TAS2R1: variants seen among roughly 807,000 people sequenced by gnomAD.
TAS2R1 encodes the protein taste receptor type 2 member 1.
For synonymous variants in TAS2R1, 141 were observed against 134.2 expected, an observed-to-expected ratio of 1.05 and a Z score of -0.35; for missense variants, 370 against 353.4, an observed-to-expected ratio of 1.05 and a Z score of -0.38.
At chr5:9,888,111 C>G in the TAS2R1 span, among the ~76,000 whole-genome samples, 1 of 152,204 alleles carries the variant, frequency 6.6e-6, no homozygotes, top group South Asian at 2.1e-4. Context: ...CTGGTTGCCT[C>G]TTTTACTCTG....
the TAS2R1 span, among the ~76,000 whole-genome samples, chr5:9,782,045 T>C: frequency 6.6e-6 from 1 of 152,240 alleles, no homozygotes; most frequent in South Asian, 2.1e-4. Flanking sequence ...CCTCAATAAA[T>C]ATTTGTGGAA....
chr5:9,899,686 T>G, the TAS2R1 span, among the ~76,000 whole-genome samples: 23 of 151,598 alleles, frequency 1.5e-4, no homozygotes, highest in Non-Finnish European at 3.4e-4. Flanking sequence ...AAGCAGCCTC[T>G]CACAAGAAGA....
the TAS2R1 span, among the ~76,000 whole-genome samples, chr5:9,752,631 G>T: frequency 5.8e-4 from 88 of 152,200 alleles, no homozygotes; most frequent in African/African-American, 1.9e-3. Flanking sequence ...CATGTGCCAT[G>T]TTAGTGTGCT....
At chr5:9,781,452 T>C in the TAS2R1 span, among the ~76,000 whole-genome samples, 1 of 152,128 alleles carries the variant, frequency 6.6e-6, no homozygotes, top group Non-Finnish European at 1.5e-5. Context: ...GGGGTCTGAT[T>C]GCAACACAGC....
the TAS2R1 span, among the ~76,000 whole-genome samples, chr5:9,811,746 C>T: frequency 1.3e-5 from 2 of 152,150 alleles, no homozygotes; most frequent in African/African-American, 4.8e-5. Context: ...TTTAGACATC[C>T]AGCTGCTTAC....
chr5:9,801,660 G>A, the TAS2R1 span, among the ~76,000 whole-genome samples: 1 of 152,182 alleles, frequency 6.6e-6, no homozygotes, highest in Non-Finnish European at 1.5e-5. Context: ...CTGGCCGCCT[G>A]GAAATAGACT....
chr5:9,830,603 G>GCA, the TAS2R1 span, among the ~76,000 whole-genome samples: 43 of 59,998 alleles, frequency 7.2e-4, no homozygotes, highest in Admixed American at 1.3e-3. Flanking sequence ...ACACGTGCGC[G>GCA]CGCACACACA....
intron 1 of TAS2R1, among the ~76,000 whole-genome samples, chr5:9,668,415 T>C (rs576031779): frequency 1.2e-3 from 180 of 152,200 alleles, no homozygotes; most frequent in African/African-American, 4.2e-3. Flanking sequence ...AGAGAACCCC[T>C]GCAAGATACC....
chr5:9,784,549 A>G, the TAS2R1 span, among the ~76,000 whole-genome samples: 1 of 152,232 alleles, frequency 6.6e-6, no homozygotes, highest in African/African-American at 2.4e-5. Context: ...AATCATGAAA[A>G]GGTCTCATCG....
chr5:9,646,784 C>T (rs1048355786), intron 2 of TAS2R1, among the ~76,000 whole-genome samples: 11 of 152,070 alleles, frequency 7.2e-5, no homozygotes, highest in Non-Finnish European at 1.5e-4. Context: ...TTTGTGGTTA[C>T]TTAGTTCATG....
At chr5:9,728,728 G>A in the TAS2R1 span, among the ~76,000 whole-genome samples, 186 of 152,302 alleles carry the variant, frequency 1.2e-3, no homozygotes, top group African/African-American at 4.2e-3. Flanking sequence ...CAAGTGGCAC[G>A]TCTGCAAGTA....
At chr5:9,722,990 G>C in the TAS2R1 span, among the ~76,000 whole-genome samples, 2 of 152,234 alleles carry the variant, frequency 1.3e-5, no homozygotes, top group African/African-American at 4.8e-5. Flanking sequence ...CTCAAAGATT[G>C]TGCCTAATTC....
the TAS2R1 span, among the ~76,000 whole-genome samples, chr5:9,754,194 A>G: frequency 8.5e-5 from 13 of 152,230 alleles, no homozygotes; most frequent in Non-Finnish European, 1.9e-4. Context: ...AAGGCCTTTG[A>G]CAAAATTCAA....
At chr5:9,680,589 C>T (rs1197625644) in intron 1 of TAS2R1, among the ~76,000 whole-genome samples, 3 of 152,100 alleles carry the variant, frequency 2.0e-5, no homozygotes, top group African/African-American at 7.2e-5. Flanking sequence ...TTCAAATAAT[C>T]CATAGCCCTA....
the TAS2R1 span, among the ~76,000 whole-genome samples, chr5:9,876,764 A>C: frequency 1.3e-5 from 2 of 152,344 alleles, no homozygotes; most frequent in Admixed American, 6.5e-5. Context: ...AGGGACTAAA[A>C]GAGACAGTGA....
At chr5:9,637,286 TG>T (rs1201088716) in intron 2 of TAS2R1, among the ~76,000 whole-genome samples, 1 of 152,222 alleles carries the variant, frequency 6.6e-6, no homozygotes, top group Non-Finnish European at 1.5e-5. Flanking sequence ...AGGTTTTTGC[TG>T]AGAAGTCTGC....
intron 1 of TAS2R1, among the ~76,000 whole-genome samples, chr5:9,665,640 C>T (rs1469534775): frequency 6.6e-6 from 1 of 152,340 alleles, no homozygotes; most frequent in East Asian, 1.9e-4. Flanking sequence ...CTGGGCAGCC[C>T]TGCCTGAAGG....
At chr5:9,670,355 T>A (rs1740724801) in intron 1 of TAS2R1, among the ~76,000 whole-genome samples, 1 of 152,240 alleles carries the variant, frequency 6.6e-6, no homozygotes, top group South Asian at 2.1e-4. Context: ...TGTAATTTAC[T>A]CTTGTGCCAA....
the TAS2R1 span, among the ~76,000 whole-genome samples, chr5:9,808,965 G>A: frequency 2.6e-5 from 4 of 152,182 alleles, no homozygotes; most frequent in Non-Finnish European, 5.9e-5. Context: ...TGCCATCATT[G>A]TCCTGCTAAG....
Sources: allele counts gnomAD v4.1 joint callset (sites outside exome capture counted in the v4.1 genomes callset), GRCh38; gene constraint gnomAD v4.1.1; transcripts MANE v1.5; gene names NCBI Gene and HGNC (gene_info 2026-07-23, HGNC 2026-07-21).